Variants in MTG2 observed in about 807,000 individuals in gnomAD.
MTG2 encodes the protein mitochondrial ribosome associated GTPase 2.
In MTG2, 23 loss-of-function variants were observed where a neutral mutation model predicts 28.6. The observed-to-expected ratio is 0.80, with a 90% CI of 0.58 to 1.14. MTG2 has a LOEUF of 1.14. Among genes scored for constraint, MTG2 ranks in the 50% most tolerant of loss-of-function variants. The pLI is 0.00. For missense variants in MTG2, 539 were observed against 552.0 expected, an observed-to-expected ratio of 0.98 and a Z score of 0.24; for synonymous variants, 260 against 251.8, an observed-to-expected ratio of 1.03 and a Z score of -0.31.
chr20:62,193,718 A>G, intron 2 of MTG2, 94 bp downstream of exon 2: 1 of 1,162,554 alleles, frequency 8.6e-7, no homozygotes, highest in South Asian at 1.6e-5. Flanking sequence ...ATCTCTGTTG[A>G]TGTTAGTTGA....
chr20:62,183,510 G>A (rs940720412), intron 1 of MTG2, among the ~76,000 whole-genome samples: 10 of 152,228 alleles, frequency 6.6e-5, no homozygotes, highest in Non-Finnish European at 1.2e-4. Flanking sequence ...ACATTTGGAT[G>A]ATAAAACAAC....
intron 3 of MTG2, 47 bp from the exon 4 acceptor site, chr20:62,197,805 A>G (rs1311692018): frequency 6.5e-7 from 1 of 1,548,284 alleles, no homozygotes; most frequent in Non-Finnish European, 8.9e-7. Context: ...GCAATAGGCC[A>G]TGGTTGTCGT....
intron 1 of MTG2, among the ~76,000 whole-genome samples, chr20:62,184,730 A>G (rs1231791923): frequency 1.3e-5 from 2 of 152,200 alleles, no homozygotes; most frequent in Non-Finnish European, 2.9e-5. Context: ...GGCAGGGTGG[A>G]AAGCTGGTCT....
At position 62,201,160 on chromosome 20, in the gene MTG2, CT is replaced by C; in HGVS notation, c.*85del. 1 of 1,432,158 alleles carries C rather than the reference CT, an allele frequency of 7.0e-7. No homozygotes were observed. Among genetic ancestry groups the C allele is most frequent in the Non-Finnish European group, 9.2e-7 (1 of 1,087,324 alleles). 88.7% of individuals were successfully genotyped at this position (1,432,158 alleles called of 1,614,324 possible). A position where few individuals can be genotyped will look rare whatever the true frequency, so the allele number is the denominator to read the frequency against. On this transcript the variant is annotated 3_prime_UTR_variant, in exon 7 of 7. Transcript: ENST00000370823. The stretch of plus-strand genomic sequence containing the variant: ...CGGTGGTTTTGAATGCATAAAGTGC[CT>C]TGTGGACACGGGGGAGTTGTGGTGC...
chr20:62,183,499 C>T (rs1428261398), intron 1 of MTG2, among the ~76,000 whole-genome samples: 1 of 152,218 alleles, frequency 6.6e-6, no homozygotes, highest in Non-Finnish European at 1.5e-5. Context: ...TAAATATATA[C>T]ACATTTGGAT....
intron 1 of MTG2, among the ~76,000 whole-genome samples, chr20:62,184,911 A>G (rs1200086516): frequency 6.6e-6 from 1 of 152,058 alleles, no homozygotes; most frequent in African/African-American, 2.4e-5. Context: ...GGAGTTCAAG[A>G]CCAGCCTGGC....
At chr20:62,190,907 G>A (rs1052971316) in intron 1 of MTG2, among the ~76,000 whole-genome samples, 2 of 152,200 alleles carry the variant, frequency 1.3e-5, no homozygotes, top group African/African-American at 4.8e-5. Context: ...CCATGGAGAG[G>A]TGGCCCGGCA....
chr20:62,190,739 G>A (rs2145838322), intron 1 of MTG2, among the ~76,000 whole-genome samples: 1 of 152,362 alleles, frequency 6.6e-6, no homozygotes. Context: ...TCAGTTAGTA[G>A]CGGTGCAGCG....
intron 1 of MTG2, among the ~76,000 whole-genome samples, chr20:62,190,415 C>G (rs942710751): frequency 6.6e-6 from 1 of 152,196 alleles, no homozygotes; most frequent in Non-Finnish European, 1.5e-5. Context: ...TGTTGCTCTC[C>G]CTTCCCTCCT....
rs1289780938 is a variant in MTG2, at chr20:62,203,097, AT to A, written c.*2024del. 4 of 152,296 alleles carry A rather than the reference AT, an allele frequency of 2.6e-5. No individual in the cohort carries two copies. The East Asian group carries it at 7.7e-4, about 29-fold the overall frequency. 9.4% of individuals were successfully genotyped at this position (152,296 alleles called of 1,614,324 possible). A position where few individuals can be genotyped will look rare whatever the true frequency, so the allele number is the denominator to read the frequency against. Reference sequence around the variant, plus strand: ...TTTTTCTTTCAGGCCGCCACAAAGGATTTTGTGGAGTCGCCCCAGGCCTGAC... The same window carrying A: ...TTTTTCTTTCAGGCCGCCACAAAGGATTTGTGGAGTCGCCCCAGGCCTGAC... On this transcript the variant is annotated 3_prime_UTR_variant, in exon 7 of 7. Transcript: ENST00000370823.
chr20:62,198,342 C>A, intron 4 of MTG2: 1 of 547,414 alleles, frequency 1.8e-6, no homozygotes, highest in Non-Finnish European at 3.3e-6. Context: ...ATTCACTCGT[C>A]TCTTAGATGT....
intron 1 of MTG2, among the ~76,000 whole-genome samples, chr20:62,183,861 G>A (rs959488845): frequency 1.3e-5 from 2 of 152,216 alleles, no homozygotes; most frequent in African/African-American, 4.8e-5. Context: ...GGCAGAAAAT[G>A]GATTCCTTTG....
intron 1 of MTG2, among the ~76,000 whole-genome samples, chr20:62,186,373 T>A (rs962971187): frequency 6.6e-6 from 1 of 152,180 alleles, no homozygotes; most frequent in African/African-American, 2.4e-5. Flanking sequence ...TATTTTCAGG[T>A]ACTTTTTGTA....
chr20:62,183,213 T>C (rs1459183076), intron 1 of MTG2, among the ~76,000 whole-genome samples, 156 bp downstream of exon 1: 1 of 152,060 alleles, frequency 6.6e-6, no homozygotes, highest in African/African-American at 2.4e-5. Context: ...GCTGCCGGGC[T>C]GCGAACCCCG....
chr20:62,190,576 C>T (rs767084703), intron 1 of MTG2, among the ~76,000 whole-genome samples: 53 of 152,158 alleles, frequency 3.5e-4, no homozygotes, highest in Non-Finnish European at 6.8e-4. Flanking sequence ...AAGATATTTT[C>T]CCTGCGTATA....
chr20:62,185,872 A>G (rs1426376194), intron 1 of MTG2, among the ~76,000 whole-genome samples: 3 of 152,202 alleles, frequency 2.0e-5, no homozygotes, highest in Admixed American at 2.0e-4. Flanking sequence ...GCGTGAAAAC[A>G]GTGGGATTTG....
At chr20:62,184,632 C>T (rs1052959486) in intron 1 of MTG2, among the ~76,000 whole-genome samples, 4 of 152,138 alleles carry the variant, frequency 2.6e-5, no homozygotes, top group African/African-American at 9.7e-5. Flanking sequence ...GTCCCGGCCT[C>T]CTGCTCCTGC....
rs2145863633 is a variant in MTG2, at chr20:62,198,956, A to G, written c.687+104A>G. 3.9e-6 allele frequency: 6 copies of G among 1,551,512 alleles called. No homozygotes were observed. In the South Asian group the frequency reaches 4.6e-5, roughly 12 times the overall value. On this transcript the variant is annotated intron_variant, in intron 5 of 6. Transcript: ENST00000370823. ...TGGCCTGGAAGAGAACAGCTTTGCG[A>G]CTCACCTTTTTCCCATCAGTACACT...
chr20:62,185,425 TAAAAA>T (rs1012505669), intron 1 of MTG2, among the ~76,000 whole-genome samples: 2 of 109,548 alleles, frequency 1.8e-5, no homozygotes, highest in Non-Finnish European at 3.9e-5. Flanking sequence ...AAAATAAAAA[TAAAAA>T]ATAAAAAATA....
Sources: gnomAD v4.1 joint callset for allele counts (sites outside exome capture counted in the v4.1 genomes callset) on GRCh38, gnomAD v4.1.1 for gene constraint, MANE v1.5 for transcripts, NCBI Gene and HGNC (gene_info 2026-07-23, HGNC 2026-07-21) for gene names.